Variants in WWOX observed in about 807,000 individuals in gnomAD.
The protein encoded by WWOX is WW domain containing oxidoreductase.
In WWOX, 69 loss-of-function variants were observed where a neutral mutation model predicts 46.2. The ratio of observed to expected loss-of-function variants is 1.49; its 90% CI spans 1.23 to 1.82. The LOEUF (loss-of-function observed/expected upper bound fraction) is 1.82. Ranked by LOEUF, WWOX falls within the 40% of genes most tolerant of loss-of-function variation. WWOX has a pLI of 0.00. For missense variants in WWOX, 919 were observed against 542.6 expected (o/e 1.69, Z -6.89); for synonymous variants, 359 against 202.6 (o/e 1.77, Z -6.56).
chr16:78,710,365 T>C (rs2048412445), intron 8 of WWOX, among the ~76,000 whole-genome samples: 1 of 150,472 alleles, frequency 6.6e-6, no homozygotes, highest in Non-Finnish European at 1.5e-5. Flanking sequence ...CTTTTCCCAG[T>C]GCGCACTAAC....
At chr16:78,791,448 C>A (rs1195933234) in intron 8 of WWOX, among the ~76,000 whole-genome samples, 1 of 152,254 alleles carries the variant, frequency 6.6e-6, no homozygotes, top group Middle Eastern at 3.4e-3. Context: ...GAGACTGTTC[C>A]AGGGCTGGCT....
At chr16:78,526,510 G>A (rs2043472458) in intron 8 of WWOX, 2 of 152,220 alleles carry the variant, frequency 1.3e-5, no homozygotes, top group South Asian at 4.1e-4. Context: ...TCTAGCCAGG[G>A]GCAGGGAACT....
At chr16:78,968,321 C>T (rs1440422112) in intron 8 of WWOX, among the ~76,000 whole-genome samples, 2 of 152,178 alleles carry the variant, frequency 1.3e-5, no homozygotes, top group African/African-American at 4.8e-5. Flanking sequence ...GAACTGTCAC[C>T]ACCGACCCGA....
chr16:78,576,122 A>G (rs1243430906), intron 8 of WWOX, among the ~76,000 whole-genome samples: 4 of 152,152 alleles, frequency 2.6e-5, no homozygotes, highest in Admixed American at 6.5e-5. Flanking sequence ...TTACCGTTGC[A>G]TAGAATGACT....
intron 8 of WWOX, among the ~76,000 whole-genome samples, chr16:78,877,284 C>T (rs187454717): frequency 0.013 from 1,919 of 151,078 alleles, 14 homozygotes; most frequent in Middle Eastern, 0.017. Context: ...TGCCTCCCCC[C>T]CTCTGACCCG....
At chr16:79,178,161 C>A (rs887828426) in intron 8 of WWOX, among the ~76,000 whole-genome samples, 1 of 152,138 alleles carries the variant, frequency 6.6e-6, no homozygotes, top group Admixed American at 6.6e-5. Flanking sequence ...AGGATGCAAA[C>A]CTTCAGACCA....
chr16:78,600,109 C>T (rs1365387514), intron 8 of WWOX, among the ~76,000 whole-genome samples: 5 of 152,036 alleles, frequency 3.3e-5, no homozygotes, highest in Non-Finnish European at 5.9e-5. Context: ...TGCAGGGAAA[C>T]TCCCCCTTAT....
intron 8 of WWOX, among the ~76,000 whole-genome samples, chr16:78,590,936 C>A (rs565343686): frequency 6.6e-6 from 1 of 152,086 alleles, no homozygotes; most frequent in Non-Finnish European, 1.5e-5. Flanking sequence ...TTTCTGCACA[C>A]GTATGGAGGA....
chr16:78,965,180 C>A (rs765126123), intron 8 of WWOX, among the ~76,000 whole-genome samples: 1 of 152,184 alleles, frequency 6.6e-6, no homozygotes, highest in Non-Finnish European at 1.5e-5. Context: ...GTGAACTAAG[C>A]TCTTTAAACC....
At chr16:78,156,334 G>A (rs985104204) in intron 4 of WWOX, among the ~76,000 whole-genome samples, 2 of 152,100 alleles carry the variant, frequency 1.3e-5, no homozygotes, top group Non-Finnish European at 2.9e-5. Flanking sequence ...ATAGAAAAAC[G>A]GCGTGCTTTT....
chr16:78,619,598 T>C (rs2046126475), intron 8 of WWOX, among the ~76,000 whole-genome samples: 1 of 151,682 alleles, frequency 6.6e-6, no homozygotes. Flanking sequence ...ATGGAGGCAA[T>C]AGTGATAGTA....
intron 8 of WWOX, among the ~76,000 whole-genome samples, chr16:78,582,427 T>G (rs1026971610): frequency 6.6e-6 from 1 of 152,222 alleles, no homozygotes; most frequent in Non-Finnish European, 1.5e-5. Flanking sequence ...TGTAGAGATT[T>G]AGTTTTTCAA....
rs140803078 is a variant in WWOX, at chr16:79,095,315, A to G, written c.1057-116293A>G. On this transcript the variant is annotated intron_variant, in intron 8 of 8. Coordinates refer to ENST00000566780, the MANE Select transcript of WWOX (RefSeq NM_016373.4). ...TATAGCTGTTCCTTCAAGGAGCTCA[A>G]ACTGCTTTCAGGCATTTCCTTATTA... Among the ~76,000 whole-genome samples, 59 of 152,326 alleles carry G rather than the reference A, an allele frequency of 3.9e-4. No individual in the cohort carries two copies. The East Asian group carries it at 0.011, about 27-fold the overall frequency.
In WWOX at chr16:78,432,481, T is replaced by C; in HGVS notation, c.792-7T>C. 1 of 1,613,924 alleles carries C rather than the reference T, an allele frequency of 6.2e-7. No individual in the cohort carries two copies. Among genetic ancestry groups the C allele is most frequent in the Non-Finnish European group, 8.5e-7 (1 of 1,180,012 alleles). On this transcript the variant is annotated splice_region_variant and splice_polypyrimidine_tract_variant and intron_variant, in intron 7 of 8. Transcript: ENST00000566780. ...GGTTGCTTCATGTCATATTTCCTAT[T>C]TTTAAGATTTACAGATATTAACGAC...
intron 8 of WWOX, among the ~76,000 whole-genome samples, chr16:78,928,445 G>T (rs898069450): frequency 6.6e-6 from 1 of 152,046 alleles, no homozygotes; most frequent in East Asian, 1.9e-4. Context: ...CTCGTGATCT[G>T]CCCGCCTCGG....
chr16:78,451,482 G>C (rs777912272), intron 8 of WWOX, among the ~76,000 whole-genome samples: 5 of 152,184 alleles, frequency 3.3e-5, no homozygotes, highest in African/African-American at 4.8e-5. Flanking sequence ...AGAAGGGGCT[G>C]TAAGAACACA....
intron 8 of WWOX, among the ~76,000 whole-genome samples, chr16:78,817,169 A>ATTATTT: frequency 3.8e-5 from 1 of 26,594 alleles, no homozygotes. Flanking sequence ...CATTAGTGCT[A>ATTATTT]TTCTTTTTTT....
intron 8 of WWOX, among the ~76,000 whole-genome samples, chr16:78,842,609 A>G (rs544086902): frequency 1.3e-5 from 2 of 152,326 alleles, no homozygotes; most frequent in South Asian, 2.1e-4. Flanking sequence ...CATGCCTGTA[A>G]TCCCAGCACT....
chr16:79,002,094 G>T lies in WWOX; in HGVS notation c.1057-209514G>T, dbSNP rs548480540. ...ATAATCTGGGGATGAAAACAGGGCA[G>T]GCAGTGAAACCTGAATCTCAGCTGG... On this transcript the variant is annotated intron_variant, in intron 8 of 8. Transcript: ENST00000566780. 5.9e-5 allele frequency among the ~76,000 whole-genome samples: 9 copies of T among 152,212 alleles called. No homozygotes were observed. In the South Asian group the frequency reaches 1.9e-3, roughly 32 times the overall value.
Sources: gnomAD v4.1 joint callset for allele counts (sites outside exome capture counted in the v4.1 genomes callset) on GRCh38, gnomAD v4.1.1 for gene constraint, MANE v1.5 for transcripts, NCBI Gene and HGNC (gene_info 2026-07-23, HGNC 2026-07-21) for gene names.